The following TUSC3 variants were observed in gnomAD, a reference collection of about 807,000 sequenced individuals.
The protein encoded by TUSC3 is dolichyl-diphosphooligosaccharide--protein glycosyltransferase subunit TUSC3.
Under a neutral mutation model 44.8 loss-of-function variants are expected in TUSC3, and 45 were observed. The observed-to-expected ratio is 1.00, with a 90% CI of 0.79 to 1.29. The LOEUF is 1.29. Ranked by LOEUF, TUSC3 falls within the 50% of genes most tolerant of loss-of-function variation. TUSC3 has a pLI of 0.00. For missense variants in TUSC3, 519 were observed against 437.9 expected (o/e 1.19, Z -1.65); for synonymous variants, 212 against 152.9 (o/e 1.39, Z -2.85).
At chr8:15,453,576 T>A (rs1440025373) in intron 1 of TUSC3, among the ~76,000 whole-genome samples, 1 of 152,262 alleles carries the variant, frequency 6.6e-6, no homozygotes, top group Admixed American at 6.5e-5. Context: ...TCATTAGCGA[T>A]GACTGCCTCA....
chr8:15,590,431 T>C (rs1803778120), intron 1 of TUSC3, among the ~76,000 whole-genome samples: 1 of 152,088 alleles, frequency 6.6e-6, no homozygotes, highest in Admixed American at 6.6e-5. Context: ...TTGTTTTCTT[T>C]CTCCTCCGGC....
At chr8:15,752,765 A>C (rs1811761626) in intron 9 of TUSC3, among the ~76,000 whole-genome samples, 1 of 152,100 alleles carries the variant, frequency 6.6e-6, no homozygotes, top group Non-Finnish European at 1.5e-5. Flanking sequence ...TCAAAGTTGA[A>C]AATAACATGA....
the TUSC3 span, among the ~76,000 whole-genome samples, chr8:15,771,709 A>G: frequency 6.6e-6 from 1 of 152,198 alleles, no homozygotes; most frequent in Non-Finnish European, 1.5e-5. Flanking sequence ...ACAAATGAAA[A>G]CAAAAATTCT....
At chr8:15,699,099 T>G (rs1278098340) in intron 6 of TUSC3, among the ~76,000 whole-genome samples, 1 of 152,166 alleles carries the variant, frequency 6.6e-6, no homozygotes, top group Admixed American at 6.5e-5. Flanking sequence ...ACTCCAGCAC[T>G]GGCCTGCCAA....
intron 1 of TUSC3, among the ~76,000 whole-genome samples, chr8:15,472,389 C>A (rs1408237919): frequency 6.6e-6 from 1 of 152,196 alleles, no homozygotes; most frequent in East Asian, 1.9e-4. Flanking sequence ...AGTAAAATTT[C>A]TATATTATAA....
intron 2 of TUSC3, among the ~76,000 whole-genome samples, chr8:15,517,688 C>T (rs1459627587): frequency 2.0e-5 from 3 of 151,902 alleles, no homozygotes; most frequent in African/African-American, 4.8e-5. Flanking sequence ...GCACACGAAA[C>T]AATTGCTAAT....
chr8:15,666,936 A>G (rs1408519757), intron 5 of TUSC3, among the ~76,000 whole-genome samples: 1 of 151,492 alleles, frequency 6.6e-6, no homozygotes, highest in East Asian at 2.0e-4. Context: ...CTAATTCTTA[A>G]TTTTCTGTAG....
the TUSC3 span, among the ~76,000 whole-genome samples, chr8:15,798,903 G>A: frequency 5.3e-5 from 8 of 152,086 alleles, no homozygotes; most frequent in African/African-American, 1.4e-4. Context: ...GCTGCTGCCC[G>A]CAGGAATTTA....
chr8:15,550,778 T>C lies in TUSC3; in HGVS notation c.138+10210T>C, dbSNP rs1370330101. Among the ~76,000 whole-genome samples, 4 of 151,732 alleles carry C rather than the reference T, an allele frequency of 2.6e-5. 1 individual carries two copies. The East Asian group carries it at 7.8e-4, about 30-fold the overall frequency. On this transcript the variant is annotated intron_variant, in intron 1 of 10. Transcript: ENST00000503731. ...CCTCTGCCTCCCGGGTTCAAGTGAT[T>C]CTCGTGCCTCAGCCTCCCGAGTAGC...
chr8:15,745,219 C>G (rs1811360446), intron 8 of TUSC3, among the ~76,000 whole-genome samples: 1 of 151,824 alleles, frequency 6.6e-6, no homozygotes, highest in Admixed American at 6.6e-5. Flanking sequence ...ATGGAATCAA[C>G]CTGGGTTGAT....
chr8:15,442,998 T>G (rs1244940348), intron 1 of TUSC3, among the ~76,000 whole-genome samples: 1 of 152,162 alleles, frequency 6.6e-6, no homozygotes, highest in Non-Finnish European at 1.5e-5. Flanking sequence ...ATGTTTCCCT[T>G]TTATAATTTT....
chr8:15,699,585 T>A (rs917150467), intron 6 of TUSC3, among the ~76,000 whole-genome samples: 1 of 152,244 alleles, frequency 6.6e-6, no homozygotes, highest in Non-Finnish European at 1.5e-5. Context: ...CTTATTTCCT[T>A]ATTAAATAAT....
intron 2 of TUSC3, among the ~76,000 whole-genome samples, chr8:15,488,200 ATT>A (rs1800758944): frequency 2.0e-5 from 3 of 151,940 alleles, no homozygotes; most frequent in African/African-American, 7.2e-5. Flanking sequence ...GAATACACTT[ATT>A]TATCTCTAAA....
chr8:15,716,635 A>C, intron 6 of TUSC3, among the ~76,000 whole-genome samples: 1 of 152,288 alleles, frequency 6.6e-6, no homozygotes, highest in East Asian at 1.9e-4. Flanking sequence ...TTTTAATTAT[A>C]TGCTAATAAT....
intron 1 of TUSC3, among the ~76,000 whole-genome samples, chr8:15,466,614 C>A (rs1162519482): frequency 6.6e-6 from 1 of 152,112 alleles, no homozygotes; most frequent in Non-Finnish European, 1.5e-5. Context: ...TGTCTTAAGT[C>A]ATATAGTAGC....
At chr8:15,848,104 C>A in the TUSC3 span, among the ~76,000 whole-genome samples, 2 of 152,102 alleles carry the variant, frequency 1.3e-5, no homozygotes, top group African/African-American at 4.8e-5. Context: ...CCAATACTGG[C>A]CTATTAGACT....
intron 2 of TUSC3, among the ~76,000 whole-genome samples, chr8:15,518,447 A>G (rs1801251261): frequency 6.6e-6 from 1 of 152,078 alleles, no homozygotes; most frequent in African/African-American, 2.4e-5. Flanking sequence ...TCAAATCTGT[A>G]TTTCTTCTCT....
At chr8:15,574,237 G>A (rs898824260) in intron 1 of TUSC3, among the ~76,000 whole-genome samples, 1 of 151,886 alleles carries the variant, frequency 6.6e-6, no homozygotes, top group African/African-American at 2.4e-5. Flanking sequence ...TTCCTCTTGC[G>A]TTTCTCCTTC....
At chr8:15,423,400 C>G (rs1352157030) in intron 1 of TUSC3, among the ~76,000 whole-genome samples, 2 of 152,264 alleles carry the variant, frequency 1.3e-5, no homozygotes, top group African/African-American at 2.4e-5. Flanking sequence ...GATACTGTCT[C>G]CTAGATTTTT....
Sources: gnomAD v4.1 joint callset for allele counts (sites outside exome capture counted in the v4.1 genomes callset) on GRCh38, gnomAD v4.1.1 for gene constraint, MANE v1.5 for transcripts, NCBI Gene and HGNC (gene_info 2026-07-23, HGNC 2026-07-21) for gene names.